Variants in CDH18 observed in about 807,000 individuals in gnomAD.
CDH18 encodes cadherin-18.
Under a neutral mutation model 67.9 loss-of-function variants are expected in CDH18, and 31 were observed. The observed-to-expected ratio is 0.46, with a 90% CI of 0.34 to 0.62. The LOEUF is 0.62. Ranked by LOEUF, CDH18 falls within the 20% of genes least tolerant of loss-of-function variation. CDH18 has a pLI of 0.01. For missense variants in CDH18, 890 were observed against 975.5 expected (o/e 0.91, Z 1.17); for synonymous variants, 362 against 347.2 (o/e 1.04, Z -0.48).
intron 5 of CDH18, among the ~76,000 whole-genome samples, chr5:19,647,134 G>A (rs956335018): frequency 6.6e-6 from 1 of 151,836 alleles, no homozygotes; most frequent in Non-Finnish European, 1.5e-5. Context: ...ACTGACTTAA[G>A]GTTAAAAAAA....
intron 1 of CDH18, among the ~76,000 whole-genome samples, chr5:20,563,686 G>A (rs139211415): frequency 1.2e-3 from 184 of 152,078 alleles, no homozygotes; most frequent in Middle Eastern, 3.4e-3. Context: ...CCATTCACAG[G>A]CTCAAATTAA....
At chr5:20,246,871 T>G (rs992628499) in intron 2 of CDH18, among the ~76,000 whole-genome samples, 12 of 152,332 alleles carry the variant, frequency 7.9e-5, no homozygotes, top group South Asian at 4.1e-4. Context: ...CATATTTTTA[T>G]GCATAACATG....
intron 2 of CDH18, among the ~76,000 whole-genome samples, chr5:20,222,617 A>C (rs1300040029): frequency 6.6e-6 from 1 of 152,132 alleles, no homozygotes; most frequent in African/African-American, 2.4e-5. Context: ...GGAGTACAAA[A>C]CATTATATAT....
intron 1 of CDH18, chr5:20,304,953 G>A: frequency 1.9e-6 from 3 of 1,613,848 alleles, no homozygotes; most frequent in East Asian, 2.2e-5. Flanking sequence ...AATCCCGCAC[G>A]GAGCAGTTCA....
chr5:19,521,224 G>T (rs1175252098), intron 9 of CDH18, among the ~76,000 whole-genome samples: 2 of 152,064 alleles, frequency 1.3e-5, no homozygotes, highest in Admixed American at 6.6e-5. Context: ...TTTACACAAA[G>T]AATCATTTTC....
chr5:20,423,929 T>C (rs1295768640), intron 1 of CDH18, among the ~76,000 whole-genome samples: 2 of 110,000 alleles, frequency 1.8e-5, no homozygotes, highest in African/African-American at 8.6e-5. Context: ...CCTGGGCGAC[T>C]GAGCGAGACT....
At chr5:19,663,984 C>A (rs140253423) in intron 5 of CDH18, among the ~76,000 whole-genome samples, 1 of 151,292 alleles carries the variant, frequency 6.6e-6, no homozygotes, top group East Asian at 1.9e-4. Flanking sequence ...AAGAAGATGA[C>A]GGGTTTATAT....
At chr5:19,823,564 A>C (rs923936055) in intron 3 of CDH18, among the ~76,000 whole-genome samples, 1 of 152,168 alleles carries the variant, frequency 6.6e-6, no homozygotes, top group African/African-American at 2.4e-5. Flanking sequence ...TCAATATTGG[A>C]GCATAGAGAT....
intron 3 of CDH18, among the ~76,000 whole-genome samples, chr5:19,763,834 T>C (rs567727478): frequency 5.7e-4 from 86 of 151,708 alleles, no homozygotes; most frequent in African/African-American, 2.1e-3. Flanking sequence ...AGCATATTAG[T>C]GTCCTGGAAC....
chr5:20,298,071 GA>G (rs1030877234), intron 1 of CDH18, among the ~76,000 whole-genome samples: 1 of 151,884 alleles, frequency 6.6e-6, no homozygotes, highest in African/African-American at 2.4e-5. Context: ...TAGAAAAATA[GA>G]AAAAAGGGAA....
rs531235503 is a variant in CDH18, at chr5:20,532,893, C to CTT, written c.-580+42567_-580+42568dup. Among the ~76,000 whole-genome samples the CTT allele has an allele frequency of 2.3e-3, 338 of 144,860 alleles. 3 individuals are homozygous for CTT. The highest frequency in any genetic ancestry group is 8.1e-3 in the African/African-American group (321 of 39,480). On this transcript the variant is annotated intron_variant, in intron 1 of 14. Transcript: ENST00000507958. ...TTATGTTAATATTGTTTCATAAACTCTTTTTTTTTTTCACTAAAAACCTGA... is the reference window on the plus strand; with the variant it reads ...TTATGTTAATATTGTTTCATAAACTCTTTTTTTTTTTTTCACTAAAAACCTGA...
intron 3 of CDH18, among the ~76,000 whole-genome samples, chr5:19,785,731 C>A (rs1421229872): frequency 1.3e-5 from 1 of 79,726 alleles, no homozygotes; most frequent in Admixed American, 1.9e-4. Flanking sequence ...TATATGCATG[C>A]ATCTGTAAAA....
At chr5:19,553,778 C>T (rs762141217) in intron 8 of CDH18, among the ~76,000 whole-genome samples, 1 of 151,636 alleles carries the variant, frequency 6.6e-6, no homozygotes. Flanking sequence ...GAAGCTGGGA[C>T]CATAGGTGTA....
intron 6 of CDH18, among the ~76,000 whole-genome samples, chr5:19,600,604 G>GA (rs906098933): frequency 2.5e-4 from 38 of 149,208 alleles, no homozygotes; most frequent in African/African-American, 7.4e-4. Context: ...CCTTTTTCTT[G>GA]AAAAAAAGAA....
At chr5:20,005,904 C>T (rs1736865673) in intron 2 of CDH18, among the ~76,000 whole-genome samples, 1 of 151,910 alleles carries the variant, frequency 6.6e-6, no homozygotes, top group South Asian at 2.1e-4. Flanking sequence ...TGGAGAACGA[C>T]CATTAGCACT....
At position 19,489,851 on chromosome 5, in the gene CDH18, A is replaced by C. The variant is rs968394839; in HGVS notation, c.1631-6299T>G. On this transcript the variant is annotated intron_variant, in intron 11 of 12. Transcript: ENST00000382275. ...TATGAATAACACACAAATTTGTTGAAGTGTTAATTTAAAGAGGAGGGAAAT... is the reference window on the plus strand; with the variant it reads ...TATGAATAACACACAAATTTGTTGACGTGTTAATTTAAAGAGGAGGGAAAT... Among the ~76,000 whole-genome samples, 3 of 152,186 alleles carry C rather than the reference A, an allele frequency of 2.0e-5. No individual in the cohort carries two copies. In the East Asian group the frequency reaches 5.8e-4, roughly 29 times the overall value.
intron 6 of CDH18, among the ~76,000 whole-genome samples, chr5:19,609,533 T>G (rs891388200): frequency 6.6e-6 from 1 of 152,018 alleles, no homozygotes; most frequent in African/African-American, 2.4e-5. Flanking sequence ...TTACTAGCTC[T>G]AATTTACTAC....
At chr5:20,404,272 T>C (rs1053568146) in intron 1 of CDH18, among the ~76,000 whole-genome samples, 2 of 152,236 alleles carry the variant, frequency 1.3e-5, no homozygotes, top group Non-Finnish European at 2.9e-5. Flanking sequence ...TTATCATTGG[T>C]GTGTTCACTG....
At chr5:19,524,828 C>T (rs1346257236) in intron 9 of CDH18, among the ~76,000 whole-genome samples, 2 of 152,128 alleles carry the variant, frequency 1.3e-5, no homozygotes, top group Non-Finnish European at 2.9e-5. Flanking sequence ...TCACTACAAG[C>T]TCCGCCTCCC....
Sources: gnomAD v4.1 joint callset for allele counts (sites outside exome capture counted in the v4.1 genomes callset) on GRCh38, gnomAD v4.1.1 for gene constraint, MANE v1.5 for transcripts, NCBI Gene and HGNC (gene_info 2026-07-23, HGNC 2026-07-21) for gene names.